IKBIP: variants seen among roughly 807,000 people sequenced by gnomAD.
IKBIP encodes inhibitor of nuclear factor kappa-B kinase-interacting protein.
A neutral mutation model predicts 31.0 loss-of-function variants in IKBIP; 28 were observed. The observed-to-expected ratio is 0.90, with a 90% confidence interval of 0.67 to 1.24. IKBIP has a LOEUF of 1.24. Among genes scored for constraint, IKBIP ranks in the 50% most tolerant of loss-of-function variants. IKBIP has a pLI of 0.00. For missense variants in IKBIP, 453 were observed against 441.9 expected (o/e 1.03, Z -0.23); for synonymous variants, 164 against 160.3 (o/e 1.02, Z -0.17).
Position 98,624,795 on chromosome 12 carries a change from C to A in IKBIP, c.*1135G>T. 1 of 862,256 alleles carries A rather than the reference C, an allele frequency of 1.2e-6. No individual in the cohort carries two copies. The highest frequency in any genetic ancestry group is 1.4e-6 in the Non-Finnish European group (1 of 718,048). The allele number at this position is 862,256 out of a possible 1,614,324, so 53.4% of individuals were successfully genotyped here. ...CTTTTCCCTCAAAACAGGCCACAGG[C>A]TTATTTTTATTTATTTATTTATTTA... On this transcript the variant is annotated 3_prime_UTR_variant, in exon 3 of 3. Coordinates refer to ENST00000299157, the MANE Select transcript of IKBIP (RefSeq NM_153687.4).
intron 2 of IKBIP, among the ~76,000 whole-genome samples, chr12:98,618,605 G>C (rs979431974): frequency 2.7e-5 from 4 of 146,820 alleles, no homozygotes; most frequent in Admixed American, 6.9e-5. Flanking sequence ...CAGCCTGGGC[G>C]ACAGAGCCAG....
Position 98,624,961 on chromosome 12 carries a change from C to G in IKBIP, c.*969G>C. On this transcript the variant is annotated 3_prime_UTR_variant, in exon 3 of 3. Coordinates refer to ENST00000299157, the MANE Select transcript of IKBIP (RefSeq NM_153687.4). ...CTGGGACTACAGGCACCCACCACCA[C>G]GCCTGGCTAATTTTTTGTATTTTTT... 3.3e-6 allele frequency: 1 copy of G among 300,890 alleles called. No homozygotes were observed. Among genetic ancestry groups the G allele is most frequent in the Non-Finnish European group, 4.9e-6 (1 of 204,272 alleles). 18.6% of individuals were successfully genotyped at this position (300,890 alleles called of 1,614,324 possible). A position where few individuals can be genotyped will look rare whatever the true frequency, so the allele number is the denominator to read the frequency against.
At chr12:98,636,167 A>G (rs1334122366) in intron 1 of IKBIP, among the ~76,000 whole-genome samples, 1 of 152,218 alleles carries the variant, frequency 6.6e-6, no homozygotes, top group Non-Finnish European at 1.5e-5. Context: ...TACCTGCCTA[A>G]ACACAGTCCT....
chr12:98,636,093 GA>G (rs1346224392), intron 1 of IKBIP, among the ~76,000 whole-genome samples: 2 of 152,140 alleles, frequency 1.3e-5, no homozygotes, highest in Non-Finnish European at 2.9e-5. Flanking sequence ...TTTAGGCTCA[GA>G]AAAAAACACT....
At chr12:98,614,019 C>T (rs755213909) in exon 3 of IKBIP, 1 of 1,608,212 alleles carries the variant, frequency 6.2e-7, no homozygotes, top group Non-Finnish European at 8.5e-7. Flanking sequence ...GTATTTTTTT[C>T]TACTTTCTCT....
chr12:98,618,663 A>G (rs1476364554), intron 2 of IKBIP, among the ~76,000 whole-genome samples: 1 of 150,692 alleles, frequency 6.6e-6, no homozygotes, highest in East Asian at 2.0e-4. Context: ...GGGTCTCACT[A>G]TGCTGCCCAG....
intron 1 of IKBIP, among the ~76,000 whole-genome samples, chr12:98,636,460 G>A (rs1411875473): frequency 6.6e-6 from 1 of 152,228 alleles, no homozygotes; most frequent in East Asian, 1.9e-4. Flanking sequence ...GCAGTTATCT[G>A]AACTTTGTGC....
chr12:98,638,991 G>T (rs2097628211), intron 1 of IKBIP, among the ~76,000 whole-genome samples: 1 of 152,116 alleles, frequency 6.6e-6, no homozygotes, highest in Non-Finnish European at 1.5e-5. Flanking sequence ...AAAGCTCCTG[G>T]AACAATAGAG....
Position 98,626,140 on chromosome 12 carries a change from T to C in IKBIP, c.924A>G (p.Glu308=), listed in dbSNP as rs2097614043. ...CAGACACTGCTTTCAGCATATCATC[T>C]TCCATATTAAACATCTGCATAGTCA... The part of the protein sequence containing the change: ...EDLTMQMFNM[E]DDMLKAVSEI... Residue 308 remains glutamate, a synonymous_variant, in exon 3 of 3, where the codon GAA becomes GAG. Coordinates refer to ENST00000299157, the MANE Select transcript of IKBIP (RefSeq NM_153687.4). The C allele has an allele frequency of 3.1e-6, 5 of 1,610,742 alleles. No individual in the cohort carries two copies. Among genetic ancestry groups the C allele is most frequent in the Non-Finnish European group, 4.2e-6 (5 of 1,177,778 alleles).
intron 2 of IKBIP, among the ~76,000 whole-genome samples, chr12:98,615,096 T>G (rs1181916684): frequency 6.6e-6 from 1 of 152,234 alleles, no homozygotes; most frequent in Non-Finnish European, 1.5e-5. Context: ...TATATATTTA[T>G]TGTGTACAAT....
Position 98,625,371 on chromosome 12 carries a change from CTCTCCCTCAGG to C in IKBIP, c.*548_*558del. The C allele has an allele frequency of 1.2e-6, 1 of 832,728 alleles. No homozygotes were observed. The highest frequency in any genetic ancestry group is 1.4e-6 in the Non-Finnish European group (1 of 690,712). The allele number at this position is 832,728 out of a possible 1,614,324, so 51.6% of individuals were successfully genotyped here. A position where few individuals can be genotyped will look rare whatever the true frequency, so the allele number is the denominator to read the frequency against. ...ATTAATTCATAGCAAAGGCACCAGG[CTCTCCCTCAGG>C]CATGTTATCTTTTATTTTACACAAA... On this transcript the variant is annotated 3_prime_UTR_variant, in exon 3 of 3. Coordinates refer to ENST00000299157, the MANE Select transcript of IKBIP (RefSeq NM_153687.4).
Position 98,625,923 on chromosome 12 carries a change from C to T in IKBIP, c.*7G>A. ...TGATATGGTTCATCAGAATAAATGT[C>T]ATGAATTTAAAAATCACCACCAATT... On this transcript the variant is annotated 3_prime_UTR_variant, in exon 3 of 3. Coordinates refer to ENST00000299157, the MANE Select transcript of IKBIP (RefSeq NM_153687.4). 1 of 1,398,030 alleles carries T rather than the reference C, an allele frequency of 7.2e-7. No homozygotes were observed. The highest frequency in any genetic ancestry group is 1.4e-5 in the African/African-American group (1 of 68,994). The allele number at this position is 1,398,030 out of a possible 1,614,324, so 86.6% of individuals were successfully genotyped here.
intron 2 of IKBIP, among the ~76,000 whole-genome samples, chr12:98,617,305 T>A (rs1211593631): frequency 6.6e-6 from 1 of 152,240 alleles, no homozygotes; most frequent in African/African-American, 2.4e-5. Flanking sequence ...GTCATCCTTC[T>A]TCCCCACTAT....
Position 98,634,414 on chromosome 12 carries a change from C to T in IKBIP, c.180-1G>A. On this transcript the variant is annotated splice_acceptor_variant, in intron 1 of 2. Transcript: ENST00000299157. LOFTEE classifies it high-confidence loss of function. ...TTTTTCTGACTGCTGAAATACAAAC[C>T]TGGAAAAGAAAAGAAAAATCACTAT... 1 of 1,476,852 alleles carries T rather than the reference C, an allele frequency of 6.8e-7. No individual in the cohort carries two copies. The highest frequency in any genetic ancestry group is 9.4e-7 in the Non-Finnish European group (1 of 1,061,158). 91.5% of individuals were successfully genotyped at this position (1,476,852 alleles called of 1,614,324 possible). A position where few individuals can be genotyped will look rare whatever the true frequency, so the allele number is the denominator to read the frequency against.
chr12:98,621,552 T>C (rs2097610140), downstream of IKBIP, among the ~76,000 whole-genome samples: 2 of 152,190 alleles, frequency 1.3e-5, no homozygotes, highest in South Asian at 4.1e-4. Context: ...GCAGATTTGT[T>C]GTGATTTTTC....
downstream of IKBIP, among the ~76,000 whole-genome samples, chr12:98,620,927 A>G (rs1324138048): frequency 1.3e-5 from 2 of 151,650 alleles, no homozygotes; most frequent in Admixed American, 6.6e-5. Context: ...GATTATTGAT[A>G]TAATTCTCTC....
At chr12:98,634,534 G>GTTT in intron 1 of IKBIP, 121 bp from the exon 2 acceptor site, 109 of 383,974 alleles carry the variant, frequency 2.8e-4, no homozygotes, top group Middle Eastern at 1.5e-3. Context: ...GTAGCTGTAG[G>GTTT]TTTTTTTTTT....
downstream of IKBIP, among the ~76,000 whole-genome samples, chr12:98,621,616 C>T (rs1315169326): frequency 6.6e-6 from 1 of 152,174 alleles, no homozygotes; most frequent in African/African-American, 2.4e-5. Context: ...TCCTTGGCCT[C>T]TGGAATTGAA....
intron 1 of IKBIP, among the ~76,000 whole-genome samples, chr12:98,640,853 C>T (rs549373523): frequency 2.0e-5 from 3 of 152,082 alleles, no homozygotes; most frequent in South Asian, 2.1e-4. Flanking sequence ...CCTCAAATTC[C>T]GGGGCTCAAG....
Sources: gnomAD v4.1 joint callset for allele counts (sites outside exome capture counted in the v4.1 genomes callset) on GRCh38, gnomAD v4.1.1 for gene constraint, MANE v1.5 for transcripts, NCBI Gene and HGNC (gene_info 2026-07-23, HGNC 2026-07-21) for gene names.